Variants in PRP4K observed in about 807,000 individuals in gnomAD.
PRP4K encodes the protein serine/threonine-protein kinase PRP4 homolog.
chr6:4,054,085 A>C, the PRP4K span, among the ~76,000 whole-genome samples: 2,077 of 151,946 alleles, frequency 0.014, 44 homozygotes, highest in African/African-American at 0.046. Flanking sequence ...GCCTAATTAA[A>C]AAAAATTTTT....
the PRP4K span, chr6:4,043,782 GA>G: frequency 6.3e-7 from 1 of 1,595,932 alleles, no homozygotes; most frequent in South Asian, 1.1e-5. Flanking sequence ...CCAATTTTAT[GA>G]AAGTATTATC....
the PRP4K span, chr6:4,042,641 AAT>A: frequency 3.4e-6 from 4 of 1,170,458 alleles, no homozygotes; most frequent in Non-Finnish European, 5.0e-6. Flanking sequence ...ATGTAGCATT[AAT>A]AACAGTTGAA....
chr6:4,030,827 G>C, the PRP4K span, among the ~76,000 whole-genome samples: 2 of 152,136 alleles, frequency 1.3e-5, no homozygotes, highest in Non-Finnish European at 2.9e-5. Context: ...GCCTAATGTC[G>C]TATGATTGCT....
the PRP4K span, among the ~76,000 whole-genome samples, chr6:4,027,600 T>TGGG: frequency 4.0e-5 from 1 of 25,188 alleles, no homozygotes; most frequent in African/African-American, 1.0e-4. Context: ...GGCGGAGGGG[T>TGGG]GGGGGGGTGG....
At chr6:4,059,934 C>T in the PRP4K span, among the ~76,000 whole-genome samples, 2 of 152,118 alleles carry the variant, frequency 1.3e-5, no homozygotes, top group African/African-American at 2.4e-5. Flanking sequence ...TGTGAGCCAC[C>T]GCGCCCAGCC....
the PRP4K span, among the ~76,000 whole-genome samples, chr6:4,029,938 CT>C: frequency 6.1e-3 from 820 of 133,678 alleles, no homozygotes; most frequent in Non-Finnish European, 8.5e-3. Flanking sequence ...TGTTTTCTTT[CT>C]TTTTTTTTTT....
chr6:4,058,156 A>G, the PRP4K span, among the ~76,000 whole-genome samples: 1 of 152,184 alleles, frequency 6.6e-6, no homozygotes, highest in African/African-American at 2.4e-5. Flanking sequence ...GACTACAGGC[A>G]TGTGCCACCA....
chr6:4,056,766 C>A, the PRP4K span: 1 of 1,417,676 alleles, frequency 7.1e-7, no homozygotes, highest in Non-Finnish European at 9.5e-7. Flanking sequence ...TTAGCACCTC[C>A]ACCAAAGGCG....
the PRP4K span, chr6:4,047,390 AG>A: frequency 2.7e-6 from 2 of 745,674 alleles, no homozygotes; most frequent in Non-Finnish European, 4.2e-6. Context: ...AAACTCTACT[AG>A]TTTTGCATCT....
At chr6:4,060,134 T>C in the PRP4K span, among the ~76,000 whole-genome samples, 1 of 152,136 alleles carries the variant, frequency 6.6e-6, no homozygotes, top group African/African-American at 2.4e-5. The surrounding 1 kb of genome is among the most constrained non-coding windows in gnomAD (Gnocchi z 4.7). Flanking sequence ...AGGCCTGAAC[T>C]GTAAGTTGGT....
the PRP4K span, among the ~76,000 whole-genome samples, chr6:4,039,834 C>G: frequency 1.3e-5 from 2 of 149,552 alleles, no homozygotes; most frequent in Non-Finnish European, 3.0e-5. Flanking sequence ...CTCCCCTCCC[C>G]ACCCCACCCC....
At chr6:4,038,921 T>G in the PRP4K span, among the ~76,000 whole-genome samples, 1 of 151,240 alleles carries the variant, frequency 6.6e-6, no homozygotes, top group African/African-American at 2.4e-5. Context: ...TTTTTGTGCT[T>G]TTTTTTTTCT....
chr6:4,043,167 A>G, the PRP4K span, among the ~76,000 whole-genome samples: 1 of 152,196 alleles, frequency 6.6e-6, no homozygotes, highest in African/African-American at 2.4e-5. Flanking sequence ...TTACCTAAAC[A>G]CACATAGCAA....
chr6:4,031,291 C>G, the PRP4K span, among the ~76,000 whole-genome samples: 1 of 152,120 alleles, frequency 6.6e-6, no homozygotes, highest in Non-Finnish European at 1.5e-5. Context: ...CTAACCTGTA[C>G]TTTTTAAGCT....
At chr6:4,026,969 C>A in the PRP4K span, among the ~76,000 whole-genome samples, 2 of 152,130 alleles carry the variant, frequency 1.3e-5, no homozygotes, top group African/African-American at 4.8e-5. Context: ...TCCCACGTAC[C>A]TGAGATGTGA....
chr6:4,043,249 G>A, the PRP4K span, among the ~76,000 whole-genome samples: 1 of 152,192 alleles, frequency 6.6e-6, no homozygotes, highest in East Asian at 1.9e-4. Flanking sequence ...AGGAAGTAGG[G>A]CAAAACTAAT....
chr6:4,045,280 A>G, the PRP4K span, among the ~76,000 whole-genome samples: 99,691 of 152,014 alleles, frequency 0.66, 32,953 homozygotes, highest in East Asian at 0.77. Flanking sequence ...GAACACTTAC[A>G]AATGTAAAAG....
At chr6:4,035,233 C>T in the PRP4K span, among the ~76,000 whole-genome samples, 4 of 147,912 alleles carry the variant, frequency 2.7e-5, no homozygotes, top group Admixed American at 1.4e-4. Context: ...TCTCCTGCCT[C>T]AGCTTCCCCG....
chr6:4,058,850 T>C, the PRP4K span: 1 of 1,475,384 alleles, frequency 6.8e-7, no homozygotes, highest in South Asian at 1.2e-5. Context: ...ATAGTTATTT[T>C]ATTGTTAACT....
Sources: allele counts gnomAD v4.1 joint callset (sites outside exome capture counted in the v4.1 genomes callset), GRCh38; gene constraint gnomAD v4.1.1; non-coding constraint Gnocchi (gnomAD v3.1); transcripts MANE v1.5; gene names NCBI Gene and HGNC (gene_info 2026-07-23, HGNC 2026-07-21).